Variants in HERC2 observed in about 807,000 individuals in gnomAD.
The protein encoded by HERC2 is HECT and RLD domain containing E3 ubiquitin protein ligase 2.
HERC2 carries 102 observed loss-of-function variants against 537.7 expected under a neutral mutation model. The observed-to-expected ratio is 0.19, with a 90% CI of 0.16 to 0.22. HERC2 has a LOEUF of 0.22. Ranked by LOEUF, HERC2 falls within the 10% of genes least tolerant of loss-of-function variation. HERC2 has a pLI of 1.00. For synonymous variants in HERC2, 2,224 were observed against 2,466.2 expected (o/e 0.90, Z 2.91); for missense variants, 4,236 against 6,198.2 (o/e 0.68, Z 10.63).
chr15:28,155,902 C>T lies in HERC2; in HGVS notation c.10747-3072G>A, dbSNP rs141284841. The stretch of plus-strand genomic sequence containing the variant: ...AGGGTTTTTATGGTTTTAGGTCTAA[C>T]ATTTAAGTCTTTAACCCATCTTGAA... On this transcript the variant is annotated intron_variant, in intron 69 of 92. Transcript: ENST00000261609. Among the ~76,000 whole-genome samples, 26 of 152,262 alleles carry T rather than the reference C, an allele frequency of 1.7e-4. No homozygotes were observed. The East Asian group carries it at 4.8e-3, about 28-fold the overall frequency.
intron 57 of HERC2, among the ~76,000 whole-genome samples, chr15:28,179,738 C>G (rs1234581724): frequency 1.3e-5 from 2 of 152,208 alleles, no homozygotes; most frequent in South Asian, 2.1e-4. Flanking sequence ...GAGAGCAACA[C>G]TATGATCCTA....
At chr15:28,253,905 T>C (rs1180555192) in intron 20 of HERC2, among the ~76,000 whole-genome samples, 1 of 152,062 alleles carries the variant, frequency 6.6e-6, no homozygotes, top group Non-Finnish European at 1.5e-5. Context: ...GAGGTTGCAG[T>C]GAGCCAAGAT....
chr15:28,249,350 G>A (rs529668857), intron 20 of HERC2, among the ~76,000 whole-genome samples: 144 of 152,318 alleles, frequency 9.5e-4, no homozygotes, highest in African/African-American at 3.3e-3. Flanking sequence ...CAAAGAGCAC[G>A]GCAGCGAAGA....
At chr15:28,303,314 T>C (rs1317828956) in intron 2 of HERC2, among the ~76,000 whole-genome samples, 1 of 152,204 alleles carries the variant, frequency 6.6e-6, no homozygotes, top group Non-Finnish European at 1.5e-5. Context: ...GAGTTCACTG[T>C]AGATGTATAG....
At chr15:28,269,977 T>C (rs977216361) in intron 10 of HERC2, among the ~76,000 whole-genome samples, 8 of 152,236 alleles carry the variant, frequency 5.3e-5, no homozygotes, top group Non-Finnish European at 1.2e-4. Flanking sequence ...TTGTTGTTTG[T>C]TGAGATGGGG....
At chr15:28,153,221 T>C (rs1320971552) in intron 69 of HERC2, among the ~76,000 whole-genome samples, 1 of 152,078 alleles carries the variant, frequency 6.6e-6, no homozygotes, top group African/African-American at 2.4e-5. Flanking sequence ...GGCGTGGTGG[T>C]GCATGCCTGT....
chr15:28,316,650 T>C (rs191679170), intron 2 of HERC2, among the ~76,000 whole-genome samples: 217 of 152,258 alleles, frequency 1.4e-3, no homozygotes, highest in African/African-American at 4.8e-3. Flanking sequence ...CCTAAAAACG[T>C]CAATGAAGAC....
At chr15:28,280,398 T>C in intron 4 of HERC2, 111 bp from the exon 5 acceptor site, 1 of 848,556 alleles carries the variant, frequency 1.2e-6, no homozygotes, top group Non-Finnish European at 1.8e-6. Context: ...GCATGATATG[T>C]GGCAATAATG....
rs2077073094 is a variant in HERC2 at position 28,316,037 on chromosome 15, A to T, written c.72+5325T>A. On this transcript the variant is annotated intron_variant, in intron 2 of 92. Coordinates refer to ENST00000261609, the MANE Select transcript of HERC2 (RefSeq NM_004667.6). ...TGTGGCCGAGTGTAACAACCATATA[A>T]TAAATCACCTCTTCCGCTGTTTAAA... The T allele has an allele frequency of 1.2e-5, 4 of 322,868 alleles. 1 individual carries two copies. Among genetic ancestry groups the T allele is most frequent in the South Asian group, 1.0e-4 (4 of 40,120 alleles). The allele number at this position is 322,868 out of a possible 1,614,324, so 20.0% of individuals were successfully genotyped here. A position where few individuals can be genotyped will look rare whatever the true frequency, so the allele number is the denominator to read the frequency against.
chr15:28,247,649 T>C (rs1317955913), intron 21 of HERC2, among the ~76,000 whole-genome samples: 1 of 152,070 alleles, frequency 6.6e-6, no homozygotes, highest in Non-Finnish European at 1.5e-5. Flanking sequence ...AGGCTGGTCT[T>C]GAACTCCTGA....
chr15:28,287,327 G>A (rs995336000), intron 4 of HERC2, among the ~76,000 whole-genome samples: 23 of 152,124 alleles, frequency 1.5e-4, no homozygotes, highest in African/African-American at 5.3e-4. Flanking sequence ...AATATGCTTT[G>A]AATCCAAGCC....
At chr15:28,199,025 T>C (rs1897633723) in intron 48 of HERC2, among the ~76,000 whole-genome samples, 1 of 151,982 alleles carries the variant, frequency 6.6e-6, no homozygotes, top group African/African-American at 2.4e-5. Flanking sequence ...TGCATGCCTG[T>C]GGTCCCAGCT....
At position 28,192,094 on chromosome 15, in the gene HERC2, C is replaced by T; in HGVS notation, c.8318G>A (p.Ser2773Asn). 6 of 1,614,056 alleles carry T rather than the reference C, an allele frequency of 3.7e-6. No homozygotes were observed. Among genetic ancestry groups the T allele is most frequent in the Non-Finnish European group, 5.1e-6 (6 of 1,180,026 alleles). The change falls in exon 53 of 93, where the codon AGC becomes AAC. Residue 2773 changes from serine to asparagine, a missense_variant. Physicochemically the swap from Ser to Asn is conservative, Grantham distance 46. Transcript: ENST00000261609. ...SGKQLKRCHS[S>N]QPGMLLDSWS... ...GCTGTCCAGCAGCATGCCTGGCTGG[C>T]TGCTGTGGCAACGCTTCAGCTGTTT...
At position 28,268,290 on chromosome 15, in the gene HERC2, G is replaced by T. The variant is rs2075624322; in HGVS notation, c.1598+175C>A. Among the ~76,000 whole-genome samples the T allele has an allele frequency of 6.6e-6, 1 of 152,144 alleles. No individual in the cohort carries two copies. The highest frequency in any genetic ancestry group is 2.4e-5 in the African/African-American group (1 of 41,428). Reference sequence around the variant, plus strand: ...AATTCCCGTTGCCCTCCACACATGGGCAGAGCTCCTAAGCCATCACCAAGG... The same window carrying T: ...AATTCCCGTTGCCCTCCACACATGGTCAGAGCTCCTAAGCCATCACCAAGG... On this transcript the variant is annotated intron_variant, in intron 12 of 92. Coordinates refer to ENST00000261609, the MANE Select transcript of HERC2 (RefSeq NM_004667.6). The surrounding 1 kb of genome is among the most constrained non-coding windows in gnomAD (Gnocchi z 4.7).
At position 28,251,106 on chromosome 15, in the gene HERC2, C is replaced by T. The variant is rs564651634; in HGVS notation, c.3051-2370G>A. ...ACAGCACAGAGCCACCTGCCGAGGA[C>T]ACCAATGGAGCTACAGGTGCAATTC... is the stretch of plus-strand genomic sequence containing the variant. On this transcript the variant is annotated intron_variant, in intron 20 of 92. Coordinates refer to ENST00000261609, the MANE Select transcript of HERC2 (RefSeq NM_004667.6). Among the ~76,000 whole-genome samples, 5 of 152,268 alleles carry T rather than the reference C, an allele frequency of 3.3e-5. No homozygotes were observed. In the South Asian group the frequency reaches 8.3e-4, roughly 25 times the overall value.
intron 26 of HERC2, among the ~76,000 whole-genome samples, chr15:28,236,478 A>G (rs1008630490): frequency 1.3e-5 from 2 of 151,946 alleles, no homozygotes; most frequent in African/African-American, 4.8e-5. Flanking sequence ...TTTAGTAGAC[A>G]TGGGGTTTCA....
intron 92 of HERC2, among the ~76,000 whole-genome samples, 163 bp from the exon 93 acceptor site, chr15:28,112,198 T>C (rs192832002): frequency 3.9e-4 from 60 of 152,316 alleles, no homozygotes; most frequent in Admixed American, 3.3e-3. Flanking sequence ...GAGCAATTAA[T>C]TCCTAGAACT....
intron 12 of HERC2, among the ~76,000 whole-genome samples, chr15:28,266,561 G>A (rs1290571487): frequency 6.6e-6 from 1 of 152,062 alleles, no homozygotes; most frequent in Non-Finnish European, 1.5e-5. Flanking sequence ...TATTCACAAT[G>A]TCCCAAAACC....
rs1240896818 is a variant in HERC2 at position 28,134,813 on chromosome 15, G to T, written c.12230+665C>A. Among the ~76,000 whole-genome samples the T allele has an allele frequency of 2.0e-5, 3 of 151,142 alleles. No individual in the cohort carries two copies. The East Asian group carries it at 5.8e-4, about 29-fold the overall frequency. ...CACCTCCCGAGAAGCTGGGACTACA[G>T]GTGTGTGTCACCACATCTGGCTAAT... On this transcript the variant is annotated intron_variant, in intron 79 of 92. Transcript: ENST00000261609.
Sources: gnomAD v4.1 joint callset for allele counts (sites outside exome capture counted in the v4.1 genomes callset) on GRCh38, gnomAD v4.1.1 for gene constraint, Gnocchi (gnomAD v3.1) non-coding constraint, MANE v1.5 for transcripts, NCBI Gene and HGNC (gene_info 2026-07-23, HGNC 2026-07-21) for gene names.